RGS20: variants seen among roughly 807,000 people sequenced by gnomAD.
RGS20 encodes the protein gz-selective GTPase-activating protein.
In RGS20, 30 loss-of-function variants were observed where a neutral mutation model predicts 33.6. The ratio of observed to expected loss-of-function variants is 0.89; its 90% CI spans 0.67 to 1.21. The LOEUF is 1.21. RGS20 is among the 50% of genes most tolerant of loss of function. The probability of loss-of-function intolerance (pLI) is 0.00; values close to 1 mark genes in which losing one functional copy is unlikely to be tolerated. For synonymous variants in RGS20, 208 were observed against 197.9 expected, an observed-to-expected ratio of 1.05 and a Z score of -0.43; for missense variants, 472 against 502.4, an observed-to-expected ratio of 0.94 and a Z score of 0.58.
intron 1 of RGS20, chr8:53,876,445 AG>A (rs947518935): frequency 6.6e-6 from 1 of 152,258 alleles, no homozygotes; most frequent in African/African-American, 2.4e-5. Context: ...CAGTGCTTCC[AG>A]GAATACGGTA....
intron 2 of RGS20, among the ~76,000 whole-genome samples, chr8:53,894,061 T>C (rs1417150400): frequency 1.3e-5 from 2 of 152,180 alleles, no homozygotes; most frequent in African/African-American, 4.8e-5. Context: ...GTCTGATAAT[T>C]AGGAGGCTAC....
At chr8:53,871,623 AAAAT>A (rs979111080) in intron 1 of RGS20, among the ~76,000 whole-genome samples, 2 of 143,928 alleles carry the variant, frequency 1.4e-5, no homozygotes, top group African/African-American at 5.8e-5. Flanking sequence ...TCTCAAAAAA[AAAAT>A]AATAATAATA....
At chr8:53,903,480 C>T (rs1419586529) in intron 2 of RGS20, among the ~76,000 whole-genome samples, 2 of 152,192 alleles carry the variant, frequency 1.3e-5, no homozygotes, top group South Asian at 2.1e-4. Flanking sequence ...CCACCTTCCA[C>T]AGCAGTTAGG....
At chr8:53,871,867 C>A (rs1247541362) in intron 1 of RGS20, among the ~76,000 whole-genome samples, 1 of 152,116 alleles carries the variant, frequency 6.6e-6, no homozygotes, top group Non-Finnish European at 1.5e-5. Flanking sequence ...GGGATCCTAT[C>A]CAATTCCAGT....
In RGS20 at chr8:53,880,865, A is replaced by G; in HGVS notation, c.510+1263A>G. ...GGGTAAAAGGAGTGAGGGGGCGGGG[A>G]GGAGGCAGAGCAAGGGGAGGAAGAG... is the stretch of plus-strand genomic sequence containing the variant. On this transcript the variant is annotated intron_variant, in intron 2 of 5. Transcript: ENST00000297313. 7.0e-7 allele frequency: 1 copy of G among 1,431,114 alleles called. No individual in the cohort carries two copies. Among genetic ancestry groups the G allele is most frequent in the East Asian group, 2.8e-5 (1 of 35,772 alleles). 88.7% of individuals were successfully genotyped at this position (1,431,114 alleles called of 1,614,324 possible). A position where few individuals can be genotyped will look rare whatever the true frequency, so the allele number is the denominator to read the frequency against.
intron 3 of RGS20, among the ~76,000 whole-genome samples, chr8:53,940,849 T>C (rs1393238914): frequency 2.0e-5 from 3 of 152,098 alleles, no homozygotes; most frequent in African/African-American, 7.2e-5. Context: ...GAGGCGCTGG[T>C]GGTGGGCAGA....
intron 1 of RGS20, among the ~76,000 whole-genome samples, chr8:53,863,186 C>T (rs1406067274): frequency 1.3e-5 from 2 of 152,182 alleles, no homozygotes; most frequent in East Asian, 3.9e-4. Context: ...GGGGTCTCTC[C>T]ATGTTGGTCA....
chr8:53,917,924 T>TA (rs1170417292), intron 2 of RGS20, among the ~76,000 whole-genome samples: 1 of 152,218 alleles, frequency 6.6e-6, no homozygotes, highest in African/African-American at 2.4e-5. Flanking sequence ...CAACCACTAT[T>TA]CTACTTTCTG....
At chr8:53,953,988 G>T in intron 4 of RGS20, 88 bp from the exon 4 acceptor site, 1 of 906,106 alleles carries the variant, frequency 1.1e-6, no homozygotes. Context: ...CATTCTTGGA[G>T]GAGGAAAAGA....
intron 1 of RGS20, among the ~76,000 whole-genome samples, chr8:53,872,845 T>G (rs1812110701): frequency 6.6e-6 from 1 of 152,168 alleles, no homozygotes; most frequent in Non-Finnish European, 1.5e-5. Flanking sequence ...AGGGTTTTTT[T>G]TTAATTTAGT....
At chr8:53,939,370 A>G (rs1814221995) in intron 2 of RGS20, among the ~76,000 whole-genome samples, 1 of 152,182 alleles carries the variant, frequency 6.6e-6, no homozygotes, top group Non-Finnish European at 1.5e-5. Flanking sequence ...ATGTATCTCA[A>G]TGCTTGGCAG....
intron 2 of RGS20, among the ~76,000 whole-genome samples, chr8:53,926,654 C>T (rs1813805485): frequency 6.6e-6 from 1 of 152,110 alleles, no homozygotes; most frequent in Non-Finnish European, 1.5e-5. Context: ...GCTCACACAT[C>T]TAATCCCAGC....
Position 53,958,327 on chromosome 8 carries a change from C to T in RGS20, c.1036C>T (p.Gln346Ter), listed in dbSNP as rs1289628019. The T allele has an allele frequency of 6.2e-7, 1 of 1,613,734 alleles. No individual in the cohort carries two copies. The highest frequency in any genetic ancestry group is 1.7e-5 in the Admixed American group (1 of 59,966). ...CAACAGAAACATGGTGGAGCCATCC[C>T]AACACATATTCGATGATGCTCAACT... The change falls in exon 6 of 6, where the codon CAA (glutamine) becomes TAA (stop). Residue 346 changes from glutamine (Q) to a stop codon, truncating the protein, a stop_gained. Coordinates refer to ENST00000297313, the MANE Select transcript of RGS20 (RefSeq NM_170587.4). LOFTEE classifies it high-confidence loss of function.
rs769690402 is a variant in RGS20, at chr8:53,851,980, C to A, written c.81C>A (p.Pro27=). ...CGTCTATATGGACACAGTTTCTGCCCCTGTTCAGGGCTCAGAGATATAATA... is the reference window on the plus strand; with the variant it reads ...CGTCTATATGGACACAGTTTCTGCCACTGTTCAGGGCTCAGAGATATAATA... Residue 27 remains proline, a synonymous_variant, in exon 1 of 6, where the codon CCC becomes CCA. Transcript: ENST00000297313. 8 of 1,614,142 alleles carry A rather than the reference C, an allele frequency of 5.0e-6. No homozygotes were observed. The highest frequency in any genetic ancestry group is 5.9e-6 in the Non-Finnish European group (7 of 1,180,002).
chr8:53,948,553 T>TAA lies in RGS20; in HGVS notation c.743+1805_743+1806insAA, dbSNP rs1491509027. Among the ~76,000 whole-genome samples the TAA allele has an allele frequency of 3.4e-4, 20 of 58,750 alleles. 2 individuals are homozygous for TAA. Among genetic ancestry groups the TAA allele is most frequent in the South Asian group, 6.5e-4 (1 of 1,548 alleles). 38.5% of individuals were successfully genotyped at this position (58,750 alleles called of 152,430 possible). On this transcript the variant is annotated intron_variant, in intron 4 of 5. Coordinates refer to ENST00000297313, the MANE Select transcript of RGS20 (RefSeq NM_170587.4). The stretch of plus-strand genomic sequence containing the variant: ...AGTATATATTTACATATGCTATATA[T>TAA]GATACAGTACATATTTACATATGCT...
chr8:53,895,906 C>T (rs1812842792), intron 2 of RGS20, among the ~76,000 whole-genome samples: 1 of 152,010 alleles, frequency 6.6e-6, no homozygotes, highest in South Asian at 2.1e-4. Context: ...CTCGGCCTCC[C>T]AAAGTGCTGG....
intron 2 of RGS20, among the ~76,000 whole-genome samples, chr8:53,891,964 T>C (rs1457735068): frequency 1.3e-5 from 2 of 152,092 alleles, no homozygotes. Context: ...TATGTATACA[T>C]GTGCCATGCT....
At chr8:53,937,632 C>T (rs1028014881) in intron 2 of RGS20, among the ~76,000 whole-genome samples, 1 of 152,160 alleles carries the variant, frequency 6.6e-6, no homozygotes, top group Non-Finnish European at 1.5e-5. Flanking sequence ...GCAACCTACT[C>T]ATCTGACAAA....
At position 53,856,464 on chromosome 8, in the gene RGS20, C is replaced by A. The variant is rs1020921840; in HGVS notation, c.165+4400C>A. Among the ~76,000 whole-genome samples, 5 of 152,260 alleles carry A rather than the reference C, an allele frequency of 3.3e-5. No homozygotes were observed. In the East Asian group the frequency reaches 9.6e-4, roughly 29 times the overall value. ...AGACTCCTGATCTCATGTGATCCAC[C>A]TGCCTTGGCCTCCCAAAGTGCTGAG... On this transcript the variant is annotated intron_variant, in intron 1 of 5. Transcript: ENST00000297313.
Sources: gnomAD v4.1 joint callset for allele counts (sites outside exome capture counted in the v4.1 genomes callset) on GRCh38, gnomAD v4.1.1 for gene constraint, MANE v1.5 for transcripts, NCBI Gene and HGNC (gene_info 2026-07-23, HGNC 2026-07-21) for gene names.